Variants in RPA3 observed in about 807,000 individuals in gnomAD.
RPA3 encodes replication protein A 14 kDa subunit.
Under a neutral mutation model 13.7 loss-of-function variants are expected in RPA3, and 24 were observed. The observed-to-expected ratio is 1.75, with a 90% CI of 1.27 to 2.46. RPA3 has a LOEUF of 2.46. Among genes scored for constraint, RPA3 ranks in the 30% most tolerant of loss-of-function variants. The probability of loss-of-function intolerance (pLI) is 0.00; values close to 1 mark genes in which losing one functional copy is unlikely to be tolerated. For missense variants in RPA3, 183 were observed against 151.0 expected, an observed-to-expected ratio of 1.21 and a Z score of -1.11; for synonymous variants, 59 against 51.2, an observed-to-expected ratio of 1.15 and a Z score of -0.65.
chr7:7,649,174 A>G (rs1383136138), intron 4 of RPA3, among the ~76,000 whole-genome samples: 6 of 144,178 alleles, frequency 4.2e-5, no homozygotes, highest in African/African-American at 1.3e-4. Flanking sequence ...AAAAAAAAAA[A>G]AAAAAGAAAA....
At chr7:7,650,422 A>C (rs1785198368) in intron 4 of RPA3, among the ~76,000 whole-genome samples, 1 of 152,150 alleles carries the variant, frequency 6.6e-6, no homozygotes. Flanking sequence ...TTTCTTCCAA[A>C]ACTAATGTAA....
At chr7:7,705,249 TG>T (rs1239344253) in intron 2 of RPA3, among the ~76,000 whole-genome samples, 6 of 152,234 alleles carry the variant, frequency 3.9e-5, no homozygotes, top group Non-Finnish European at 8.8e-5. Context: ...GTATAGTTGA[TG>T]CACTGTGATT....
At chr7:7,664,499 C>T (rs1779388171) in intron 4 of RPA3, among the ~76,000 whole-genome samples, 1 of 152,170 alleles carries the variant, frequency 6.6e-6, no homozygotes, top group South Asian at 2.1e-4. Flanking sequence ...TTATTTCTTC[C>T]CTTCTTTTGC....
At chr7:7,641,692 A>C (rs1416290062) in intron 4 of RPA3, 3 of 152,164 alleles carry the variant, frequency 2.0e-5, no homozygotes, top group African/African-American at 7.2e-5. Context: ...TGCACATAAA[A>C]ATACCTTCAA....
chr7:7,637,776 C>T, intron 7 of RPA3, 88 bp downstream of exon 7: 1 of 549,578 alleles, frequency 1.8e-6, no homozygotes. Context: ...TTATATAAAA[C>T]TGTATGTTAT....
At chr7:7,653,568 T>C (rs926110649) in intron 4 of RPA3, among the ~76,000 whole-genome samples, 1 of 152,244 alleles carries the variant, frequency 6.6e-6, no homozygotes, top group Non-Finnish European at 1.5e-5. Context: ...TAGGTGATCA[T>C]ACCCATTCAC....
intron 4 of RPA3, among the ~76,000 whole-genome samples, chr7:7,662,583 C>A (rs1237031234): frequency 2.6e-5 from 4 of 152,156 alleles, no homozygotes; most frequent in African/African-American, 9.7e-5. Flanking sequence ...TTCCCAACCC[C>A]TTATGCCTCC....
At chr7:7,698,815 C>T (rs1469901115) in intron 2 of RPA3, among the ~76,000 whole-genome samples, 3 of 151,916 alleles carry the variant, frequency 2.0e-5, no homozygotes, top group African/African-American at 7.3e-5. Flanking sequence ...GAGCCAAAAA[C>T]CAGACCATGA....
At chr7:7,656,618 C>T (rs940076103) in intron 4 of RPA3, among the ~76,000 whole-genome samples, 9 of 152,174 alleles carry the variant, frequency 5.9e-5, no homozygotes, top group African/African-American at 1.7e-4. Flanking sequence ...TTTCCAGCTT[C>T]ATCCATGTCC....
At chr7:7,654,254 G>A (rs941187006) in intron 4 of RPA3, among the ~76,000 whole-genome samples, 1 of 152,194 alleles carries the variant, frequency 6.6e-6, no homozygotes, top group Non-Finnish European at 1.5e-5. Flanking sequence ...AAGTAATGGA[G>A]GAGAGTAAAA....
chr7:7,697,011 G>T (rs1357165971), intron 2 of RPA3, among the ~76,000 whole-genome samples: 2 of 152,096 alleles, frequency 1.3e-5, no homozygotes, highest in African/African-American at 2.4e-5. Flanking sequence ...TTTGCTCCAA[G>T]GTCTGTATAA....
intron 2 of RPA3, among the ~76,000 whole-genome samples, chr7:7,703,776 C>T (rs1780526053): frequency 6.6e-6 from 1 of 152,064 alleles, no homozygotes. Context: ...CCCGTTTCTA[C>T]AAATAATGCA....
At chr7:7,692,016 A>G (rs890306106) in intron 2 of RPA3, among the ~76,000 whole-genome samples, 1 of 152,208 alleles carries the variant, frequency 6.6e-6, no homozygotes, top group African/African-American at 2.4e-5. Flanking sequence ...TTAGATTGAG[A>G]AAAAACTAAG....
At chr7:7,663,611 T>G (rs1391786521) in intron 4 of RPA3, among the ~76,000 whole-genome samples, 1 of 145,698 alleles carries the variant, frequency 6.9e-6, no homozygotes, top group Non-Finnish European at 1.5e-5. Flanking sequence ...ACTATGAATC[T>G]AAAATCTGTT....
intron 4 of RPA3, among the ~76,000 whole-genome samples, chr7:7,674,734 C>G (rs1013276283): frequency 5.9e-5 from 9 of 152,188 alleles, no homozygotes; most frequent in Non-Finnish European, 1.5e-5. Flanking sequence ...TCAGAACTGA[C>G]TCTGTTAACT....
At chr7:7,649,604 A>C (rs1416832865) in intron 4 of RPA3, among the ~76,000 whole-genome samples, 4 of 151,536 alleles carry the variant, frequency 2.6e-5, no homozygotes, top group African/African-American at 9.7e-5. Flanking sequence ...CTTCTTTTGC[A>C]TTGATTTTTT....
chr7:7,648,512 T>G (rs1785148552), intron 4 of RPA3, among the ~76,000 whole-genome samples: 1 of 152,204 alleles, frequency 6.6e-6, no homozygotes, highest in African/African-American at 2.4e-5. Flanking sequence ...TCTTAGTCTA[T>G]GTAGTGTTGC....
intron 2 of RPA3, among the ~76,000 whole-genome samples, chr7:7,713,663 AGTTGGTT>A (rs1399603445): frequency 1.3e-5 from 2 of 151,248 alleles, no homozygotes; most frequent in African/African-American, 4.9e-5. Flanking sequence ...TGACTTTTTA[AGTTGGTT>A]GTTTGTCCTT....
intron 6 of RPA3, 39 bp from the exon 7 acceptor site, chr7:7,638,011 AT>A: frequency 6.7e-7 from 1 of 1,497,732 alleles, no homozygotes; most frequent in East Asian, 2.3e-5. Flanking sequence ...GTGATATCAC[AT>A]TTTCAGTTGA....
Sources: allele counts gnomAD v4.1 joint callset (sites outside exome capture counted in the v4.1 genomes callset), GRCh38; gene constraint gnomAD v4.1.1; transcripts MANE v1.5; gene names NCBI Gene and HGNC (gene_info 2026-07-23, HGNC 2026-07-21).